The following TGFB2 variants were observed in gnomAD, a reference collection of about 807,000 sequenced individuals.
The protein encoded by TGFB2 is transforming growth factor beta 2, also known as transforming growth factor beta-2 proprotein.
A neutral mutation model predicts 42.7 loss-of-function variants in TGFB2; 13 were observed. That is an observed-to-expected ratio of 0.30 (90% CI 0.20 to 0.48). The LOEUF is 0.48. Ranked by LOEUF, TGFB2 falls within the 20% of genes least tolerant of loss-of-function variation. The pLI is 0.99. For synonymous variants in TGFB2, 193 were observed against 193.6 expected (o/e 1.00, Z 0.03); for missense variants, 390 against 517.5 (o/e 0.75, Z 2.39).
chr1:218,350,444 A>G (rs545031226), intron 1 of TGFB2, among the ~76,000 whole-genome samples: 78 of 152,130 alleles, frequency 5.1e-4, no homozygotes, highest in African/African-American at 1.8e-3. Context: ...GCATAGGGCA[A>G]CCCCCCATTC....
At chr1:218,397,580 AAAG>A (rs1169249200) in intron 1 of TGFB2, among the ~76,000 whole-genome samples, 1 of 151,914 alleles carries the variant, frequency 6.6e-6, no homozygotes, top group African/African-American at 2.4e-5. Context: ...AAAAAAAAAA[AAAG>A]TTTAGGTGCT....
intron 2 of TGFB2, among the ~76,000 whole-genome samples, chr1:218,409,782 T>C (rs1350073698): frequency 1.3e-5 from 2 of 152,214 alleles, no homozygotes; most frequent in African/African-American, 4.8e-5. Context: ...ACTGTACTAC[T>C]TGACACACAA....
At chr1:218,386,079 C>T (rs977837010) in intron 1 of TGFB2, among the ~76,000 whole-genome samples, 1 of 152,160 alleles carries the variant, frequency 6.6e-6, no homozygotes, top group African/African-American at 2.4e-5. Context: ...CTGTACTGAG[C>T]TTGGGCTGTT....
chr1:218,365,938 G>A (rs1657373774), intron 1 of TGFB2, among the ~76,000 whole-genome samples: 3 of 152,288 alleles, frequency 2.0e-5, no homozygotes, highest in Non-Finnish European at 4.4e-5. Context: ...ACTCTAACCT[G>A]GGTGTTGTTG....
chr1:218,443,573 T>C lies in TGFB2; in HGVS notation c.*2211T>C, dbSNP rs1417967961. On this transcript the variant is annotated 3_prime_UTR_variant, in exon 7 of 7. Coordinates refer to ENST00000366930, the MANE Select transcript of TGFB2 (RefSeq NM_003238.6). ...TATTTTTTTGTCTTCCACTTTTCTA[T>C]TATGTGTAAATCACTTTTATTTCTG... 2 of 152,212 alleles carry C rather than the reference T, an allele frequency of 1.3e-5. No individual in the cohort carries two copies. The highest frequency in any genetic ancestry group is 1.3e-4 in the Admixed American group (2 of 15,276). 9.4% of individuals were successfully genotyped at this position (152,212 alleles called of 1,614,324 possible).
intron 2 of TGFB2, among the ~76,000 whole-genome samples, chr1:218,410,554 T>C (rs1659061887): frequency 1.3e-5 from 2 of 152,194 alleles, no homozygotes; most frequent in South Asian, 2.1e-4. Flanking sequence ...AAGATAGGCT[T>C]CCCATGTATA....
At chr1:218,384,118 A>T (rs1402337507) in intron 1 of TGFB2, among the ~76,000 whole-genome samples, 1 of 93,022 alleles carries the variant, frequency 1.1e-5, no homozygotes, top group African/African-American at 3.6e-5. Context: ...TTGATTCATT[A>T]AAAAGAAAAA....
chr1:218,370,164 T>C (rs1487103296), intron 1 of TGFB2, among the ~76,000 whole-genome samples: 1 of 152,202 alleles, frequency 6.6e-6, no homozygotes, highest in Non-Finnish European at 1.5e-5. Context: ...AAGGAAAGCA[T>C]CTGAGAGGCC....
rs1398702065 is a variant in TGFB2 at position 218,444,322 on chromosome 1, T to C, written c.*2960T>C. 1 of 152,212 alleles carries C rather than the reference T, an allele frequency of 6.6e-6. No individual in the cohort carries two copies. Among genetic ancestry groups the C allele is most frequent in the East Asian group, 1.9e-4 (1 of 5,196 alleles). The allele number at this position is 152,212 out of a possible 1,614,324, so 9.4% of individuals were successfully genotyped here. A position where few individuals can be genotyped will look rare whatever the true frequency, so the allele number is the denominator to read the frequency against. On this transcript the variant is annotated 3_prime_UTR_variant, in exon 7 of 7. Transcript: ENST00000366930. ...TTGCACCATGCTTTGGCTTTCTGGT[T>C]CTATGTTCTGCCAACGCCAGGGCCA...
chr1:218,366,483 A>T (rs12086266), intron 1 of TGFB2, among the ~76,000 whole-genome samples: 1,751 of 152,166 alleles, frequency 0.012, 29 homozygotes, highest in East Asian at 0.086. Flanking sequence ...TTAAAAAAAA[A>T]ATTTTTTTTT....
intron 1 of TGFB2, among the ~76,000 whole-genome samples, chr1:218,351,202 A>G (rs969269129): frequency 3.9e-5 from 6 of 152,226 alleles, no homozygotes; most frequent in Non-Finnish European, 7.3e-5. Context: ...TTGCCCAATG[A>G]AGGAAAATGT....
chr1:218,430,034 G>A (rs1659755953), intron 2 of TGFB2, among the ~76,000 whole-genome samples: 1 of 152,142 alleles, frequency 6.6e-6, no homozygotes, highest in Admixed American at 6.6e-5. Context: ...AATTAATGGA[G>A]AATGCTGGTT....
At chr1:218,366,563 A>C (rs949041753) in intron 1 of TGFB2, among the ~76,000 whole-genome samples, 1 of 152,152 alleles carries the variant, frequency 6.6e-6, no homozygotes, top group African/African-American at 2.4e-5. Flanking sequence ...CTCCTGCCTC[A>C]GCCTTCTGAA....
chr1:218,373,656 G>A (rs1310443158), intron 1 of TGFB2, among the ~76,000 whole-genome samples: 1 of 151,694 alleles, frequency 6.6e-6, no homozygotes, highest in African/African-American at 2.4e-5. Flanking sequence ...TCACACAGCT[G>A]TCTGACTCCA....
intron 1 of TGFB2, among the ~76,000 whole-genome samples, chr1:218,394,258 T>A (rs373439128): frequency 6.6e-6 from 1 of 152,076 alleles, no homozygotes; most frequent in Non-Finnish European, 1.5e-5. Flanking sequence ...CAGCACCCAA[T>A]GCTTTTACTG....
chr1:218,379,568 A>C (rs1657891915), intron 1 of TGFB2, among the ~76,000 whole-genome samples: 1 of 145,624 alleles, frequency 6.9e-6, no homozygotes, highest in Non-Finnish European at 1.5e-5. Context: ...TAATGCTCAA[A>C]TCTAGCTTTC....
chr1:218,434,583 T>C, intron 4 of TGFB2, 135 bp downstream of exon 4: 1 of 629,642 alleles, frequency 1.6e-6, no homozygotes, highest in Non-Finnish European at 2.8e-6. Flanking sequence ...GACAGTGATA[T>C]GGTTGGATAT....
rs1286899671 is a variant in TGFB2 at position 218,417,832 on chromosome 1, AG to A, written c.510+12501del. Among the ~76,000 whole-genome samples, 7 of 152,370 alleles carry A rather than the reference AG, an allele frequency of 4.6e-5. No homozygotes were observed. The East Asian group carries it at 1.4e-3, about 29-fold the overall frequency. ...TTGGGCCATGGCTTCAGAGGGTGCA[AG>A]CCCCAAGCCTTGGCAGCTTCTACAT... is the stretch of plus-strand genomic sequence containing the variant. On this transcript the variant is annotated intron_variant, in intron 2 of 6. Coordinates refer to ENST00000366930, the MANE Select transcript of TGFB2 (RefSeq NM_003238.6).
At chr1:218,431,877 G>T (rs573355112) in intron 2 of TGFB2, among the ~76,000 whole-genome samples, 18 of 152,274 alleles carry the variant, frequency 1.2e-4, no homozygotes, top group African/African-American at 3.9e-4. Flanking sequence ...TTTCCCAACT[G>T]GGAGTATTTT....
Sources: allele counts gnomAD v4.1 joint callset (sites outside exome capture counted in the v4.1 genomes callset), GRCh38; gene constraint gnomAD v4.1.1; transcripts MANE v1.5; gene names NCBI Gene and HGNC (gene_info 2026-07-23, HGNC 2026-07-21).